DCC: variants seen among roughly 807,000 people sequenced by gnomAD.
The protein encoded by DCC is DCC netrin 1 receptor.
In DCC, 58 loss-of-function variants were observed where a neutral mutation model predicts 172.5. The ratio of observed to expected loss-of-function variants is 0.34; its 90% CI spans 0.27 to 0.42. The LOEUF (loss-of-function observed/expected upper bound fraction) is 0.42, where lower values mean the gene tolerates loss of function less well. DCC is among the 10% of genes least tolerant of loss of function. The pLI is 1.00. For synonymous variants in DCC, 709 were observed against 644.5 expected (o/e 1.10, Z -1.52); for missense variants, 1,740 against 1,791.0 (o/e 0.97, Z 0.51).
chr18:52,524,304 C>T lies in DCC; in HGVS notation c.91+183426C>T, dbSNP rs191269319. 1.9e-3 allele frequency among the ~76,000 whole-genome samples: 290 copies of T among 152,268 alleles called. 5 individuals carry two copies. The highest frequency in any genetic ancestry group is 6.9e-3 in the African/African-American group (288 of 41,562). ...TTAAACACATTGGTTTGTAAATAAA[C>T]CTTCTTTTGAAAAGCCCTGGTATAC... is the stretch of plus-strand genomic sequence containing the variant. On this transcript the variant is annotated intron_variant, in intron 1 of 28. Transcript: ENST00000442544.
rs946185574 is a variant in DCC at position 53,466,818 on chromosome 18, G to A, written c.3620-1076G>A. Among the ~76,000 whole-genome samples, 5 of 152,162 alleles carry A rather than the reference G, an allele frequency of 3.3e-5. No individual in the cohort carries two copies. The South Asian group carries it at 8.3e-4, about 25-fold the overall frequency. On this transcript the variant is annotated intron_variant, in intron 24 of 28. Coordinates refer to ENST00000442544, the MANE Select transcript of DCC (RefSeq NM_005215.4). ...TGGGATTACAGGCGTGAGCCACCAT[G>A]CCTGGCCAGGTTTGCGTAGTTTACT...
chr18:52,707,248 G>C (rs1345376844), intron 1 of DCC, among the ~76,000 whole-genome samples: 1 of 152,186 alleles, frequency 6.6e-6, no homozygotes, highest in Non-Finnish European at 1.5e-5. Flanking sequence ...AGGGAGACAA[G>C]AGCCCTGTAT....
At chr18:52,665,676 T>A (rs1260856163) in intron 1 of DCC, among the ~76,000 whole-genome samples, 1 of 152,220 alleles carries the variant, frequency 6.6e-6, no homozygotes, top group African/African-American at 2.4e-5. Context: ...CTACCTGATG[T>A]TTTGGTAATT....
intron 5 of DCC, among the ~76,000 whole-genome samples, chr18:52,966,104 A>G (rs549766538): frequency 2.8e-4 from 42 of 152,296 alleles, no homozygotes; most frequent in Admixed American, 2.4e-3. Context: ...AAAAAAATCC[A>G]TAGATCATTT....
intron 7 of DCC, among the ~76,000 whole-genome samples, chr18:53,147,141 T>C (rs1310709062): frequency 1.3e-5 from 2 of 152,192 alleles, no homozygotes; most frequent in Non-Finnish European, 2.9e-5. Context: ...TAGGTTCAGG[T>C]CAATATGCCT....
intron 12 of DCC, among the ~76,000 whole-genome samples, chr18:53,226,934 G>GTA (rs1555734406): frequency 0.4 from 27,205 of 68,122 alleles, 6,578 homozygotes; most frequent in South Asian, 0.64. Context: ...GTGTGTGTGT[G>GTA]TATATATATA....
chr18:53,051,911 C>A (rs1406317940), intron 5 of DCC, among the ~76,000 whole-genome samples: 1 of 152,030 alleles, frequency 6.6e-6, no homozygotes, highest in Non-Finnish European at 1.5e-5. Flanking sequence ...TATTCTTTAA[C>A]TTTGAATATA....
chr18:52,571,408 G>A (rs1402842846), intron 1 of DCC, among the ~76,000 whole-genome samples: 2 of 140,712 alleles, frequency 1.4e-5, no homozygotes, highest in Non-Finnish European at 3.3e-5. Context: ...TGTTTTTATA[G>A]AAAGAAAAAT....
intron 1 of DCC, among the ~76,000 whole-genome samples, chr18:52,490,216 C>G (rs751543172): frequency 8.5e-5 from 13 of 152,050 alleles, no homozygotes; most frequent in Non-Finnish European, 1.5e-4. Flanking sequence ...ATAATAGGAG[C>G]TTTTAACAAG....
intron 12 of DCC, among the ~76,000 whole-genome samples, chr18:53,224,131 G>A (rs1598921946): frequency 6.6e-6 from 1 of 152,170 alleles, no homozygotes; most frequent in African/African-American, 2.4e-5. Context: ...ACACAAGGGA[G>A]TGGTAAGTTC....
At chr18:52,447,818 G>T (rs1211592687) in intron 1 of DCC, among the ~76,000 whole-genome samples, 1 of 152,054 alleles carries the variant, frequency 6.6e-6, no homozygotes, top group Admixed American at 6.6e-5. Flanking sequence ...GATCTCATGA[G>T]AACTCACTCA....
At chr18:52,695,748 C>A (rs1344566994) in intron 1 of DCC, among the ~76,000 whole-genome samples, 1 of 152,164 alleles carries the variant, frequency 6.6e-6, no homozygotes, top group Non-Finnish European at 1.5e-5. Flanking sequence ...AAGAAAGGTT[C>A]TTCTCCAGCC....
chr18:53,047,432 T>C (rs1225344834), intron 5 of DCC, among the ~76,000 whole-genome samples: 1 of 72,610 alleles, frequency 1.4e-5, no homozygotes, highest in Middle Eastern at 5.0e-3. Flanking sequence ...ATTTTACATA[T>C]ATATATATAT....
intron 7 of DCC, among the ~76,000 whole-genome samples, chr18:53,113,680 A>G (rs1488024371): frequency 3.4e-5 from 5 of 146,740 alleles, no homozygotes; most frequent in Non-Finnish European, 6.0e-5. Flanking sequence ...CAGAATTATT[A>G]AAGCAAAAGC....
chr18:52,355,292 G>T (rs569431611), intron 1 of DCC, among the ~76,000 whole-genome samples: 96 of 152,234 alleles, frequency 6.3e-4, no homozygotes, highest in African/African-American at 2.3e-3. Flanking sequence ...CTTGGCAGGT[G>T]TTTGAGAAGA....
chr18:52,927,127 A>G (rs1414422589), intron 5 of DCC, among the ~76,000 whole-genome samples: 1 of 43,880 alleles, frequency 2.3e-5, no homozygotes, highest in African/African-American at 7.5e-5. Context: ...GTGTATATAC[A>G]CGTATATACG....
At chr18:53,458,979 C>G (rs1441106523) in intron 23 of DCC, among the ~76,000 whole-genome samples, 1 of 152,126 alleles carries the variant, frequency 6.6e-6, no homozygotes, top group Non-Finnish European at 1.5e-5. Flanking sequence ...GCCGCTGAAG[C>G]TGGAGAAAGG....
At chr18:52,456,376 T>A (rs1988457411) in intron 1 of DCC, among the ~76,000 whole-genome samples, 1 of 152,154 alleles carries the variant, frequency 6.6e-6, no homozygotes, top group Admixed American at 6.5e-5. Flanking sequence ...TTCCTGTTGC[T>A]TTCCTGAGTG....
chr18:53,497,077 A>ATTTCTTTCCCTGGATGAATAT (rs1208749973), intron 26 of DCC, among the ~76,000 whole-genome samples: 9 of 152,194 alleles, frequency 5.9e-5, no homozygotes, highest in Non-Finnish European at 1.2e-4. Flanking sequence ...AAATTGTGAA[A>ATTTCTTTCCCTGGATGAATAT]TTTCTTTCCC....
Sources: gnomAD v4.1 joint callset for allele counts (sites outside exome capture counted in the v4.1 genomes callset) on GRCh38, gnomAD v4.1.1 for gene constraint, MANE v1.5 for transcripts, NCBI Gene and HGNC (gene_info 2026-07-23, HGNC 2026-07-21) for gene names.